SARDH: variants seen among roughly 807,000 people sequenced by gnomAD.
The protein encoded by SARDH is sarcosine dehydrogenase.
In SARDH, 95 loss-of-function variants were observed where a neutral mutation model predicts 109.1. The ratio of observed to expected loss-of-function variants is 0.87; its 90% CI spans 0.74 to 1.03. The LOEUF is 1.03. Among genes scored for constraint, SARDH ranks in the 50% least tolerant of loss-of-function variants. The pLI is 0.00. For missense variants in SARDH, 1,267 were observed against 1,287.8 expected (o/e 0.98, Z 0.25); for synonymous variants, 572 against 534.8 (o/e 1.07, Z -0.96).
intron 17 of SARDH, among the ~76,000 whole-genome samples, chr9:133,680,277 G>A (rs922621934): frequency 3.9e-5 from 6 of 152,128 alleles, no homozygotes; most frequent in Admixed American, 3.3e-4. Flanking sequence ...CTTCTGGCCT[G>A]AGCTCCACCG....
At chr9:133,678,706 G>C (rs776478875) in intron 17 of SARDH, among the ~76,000 whole-genome samples, 3 of 152,166 alleles carry the variant, frequency 2.0e-5, no homozygotes, top group Non-Finnish European at 4.4e-5. Flanking sequence ...ATCCCCTGCC[G>C]TCCAACACCT....
rs934604902 is a variant in SARDH at position 133,686,975 on chromosome 9, G to A, written c.2070-1689C>T. On this transcript the variant is annotated intron_variant, in intron 16 of 20. Transcript: ENST00000439388. This position sits in a 1 kb window ranked among gnomAD's most constrained non-coding sequence, Gnocchi z 4.0. ...GGCAGAAGCCTGGAGCTGCCACCTG[G>A]TCCAAGGCTTTGAAGGGCTCTGACC... Among the ~76,000 whole-genome samples, 12 of 152,168 alleles carry A rather than the reference G, an allele frequency of 7.9e-5. No individual in the cohort carries two copies. The highest frequency in any genetic ancestry group is 2.7e-4 in the African/African-American group (11 of 41,440).
chr9:133,665,504 G>C (rs2131310665), intron 20 of SARDH, among the ~76,000 whole-genome samples: 1 of 152,348 alleles, frequency 6.6e-6, no homozygotes, highest in Admixed American at 6.5e-5. Context: ...CATGGTAGGT[G>C]AGTGTCCACA....
intron 16 of SARDH, 112 bp from the exon 17 acceptor site, chr9:133,685,398 A>G: frequency 1.4e-6 from 1 of 711,348 alleles, no homozygotes; most frequent in Non-Finnish European, 2.3e-6. Flanking sequence ...CTCATGAGAC[A>G]GATGACAATA....
rs543783884 is a variant in SARDH, at chr9:133,693,984, C to A, written c.1921+274G>T. On this transcript the variant is annotated intron_variant, in intron 15 of 20. Transcript: ENST00000439388. The surrounding 1 kb of genome is among the most constrained non-coding windows in gnomAD (Gnocchi z 5.6). ...TTGTTCCGGGAAACCGAGCCGAGCA[C>A]GCCCACACTGCAGCCACTCCGAACC... 2.0e-5 allele frequency among the ~76,000 whole-genome samples: 3 copies of A among 152,352 alleles called. No individual in the cohort carries two copies. The highest frequency in any genetic ancestry group is 7.2e-5 in the African/African-American group (3 of 41,588).
chr9:133,699,332 C>T (rs530223508), intron 13 of SARDH, among the ~76,000 whole-genome samples: 10 of 151,998 alleles, frequency 6.6e-5, no homozygotes, highest in Admixed American at 5.2e-4. Context: ...CATGGAGAAA[C>T]CCCATCTCTA....
At chr9:133,668,099 G>A (rs2131318167) in intron 19 of SARDH, among the ~76,000 whole-genome samples, 1 of 152,088 alleles carries the variant, frequency 6.6e-6, no homozygotes, top group Admixed American at 6.5e-5. Flanking sequence ...TGGAGGGCCA[G>A]AAGGTCGGGG....
chr9:133,676,643 G>A (rs184459151), intron 17 of SARDH, among the ~76,000 whole-genome samples: 48 of 152,316 alleles, frequency 3.2e-4, no homozygotes, highest in Non-Finnish European at 7.1e-4. Flanking sequence ...TGAGGGAATG[G>A]CCCTGGGCCG....
rs1831158238 is a variant in SARDH, at chr9:133,693,011, CA to C, written c.1921+1246del. On this transcript the variant is annotated intron_variant, in intron 15 of 20. Transcript: ENST00000439388. This position sits in a 1 kb window ranked among gnomAD's most constrained non-coding sequence, Gnocchi z 5.6. ...ACCGCAGAGGCCCAGGAGCCCCTGC[CA>C]GCCCCCAGCCCCGAAGACCCGCTGG... is the stretch of plus-strand genomic sequence containing the variant. 6.6e-6 allele frequency among the ~76,000 whole-genome samples: 1 copy of C among 152,178 alleles called. No individual in the cohort carries two copies. The highest frequency in any genetic ancestry group is 2.4e-5 in the African/African-American group (1 of 41,428).
Position 133,708,315 on chromosome 9 carries a change from C to A in SARDH, c.1442G>T (p.Arg481Leu). ...GTGCAGCGGGTCTCTCCTCATGTTG[C>A]GCCCGGCCAGCGGCTCATCGTGGGG... The part of the protein sequence containing the change: ...VFPHDEPLAG[R>L]NMRRDPLHEE... The change falls in exon 11 of 21, where the codon CGC becomes CTC. Residue 481 changes from arginine to leucine, a missense_variant. Arg to Leu is a moderately radical substitution (Grantham distance 102). Transcript: ENST00000439388. The A allele has an allele frequency of 6.2e-7, 1 of 1,613,202 alleles. No individual in the cohort carries two copies. Among genetic ancestry groups the A allele is most frequent in the Non-Finnish European group, 8.5e-7 (1 of 1,179,642 alleles).
chr9:133,708,693 A>T (rs1271988805), intron 10 of SARDH, among the ~76,000 whole-genome samples: 1 of 151,944 alleles, frequency 6.6e-6, no homozygotes, highest in East Asian at 1.9e-4. Context: ...CCCCACAGGG[A>T]CATGGGACTC....
intron 1 of SARDH, among the ~76,000 whole-genome samples, chr9:133,734,793 C>G (rs1289417107): frequency 6.6e-6 from 1 of 152,212 alleles, no homozygotes; most frequent in African/African-American, 2.4e-5. Context: ...ACCCCCAGAT[C>G]ACAGACAGCG....
In SARDH at chr9:133,670,608, C is replaced by G; in HGVS notation, c.2471G>C (p.Arg824Pro). ...EQQRAAGLRR[R>P]LVCFTMEDKV... Reference sequence around the variant, plus strand: ...CTCCTCCATGGTGAAGCACACCAGGCGCCGGCGGAGGCCTGCGGCCCGCTG... The same window carrying G: ...CTCCTCCATGGTGAAGCACACCAGGGGCCGGCGGAGGCCTGCGGCCCGCTG... The change falls in exon 19 of 21, where the codon CGC becomes CCC. Residue 824 changes from arginine to proline, a missense_variant. Transcript: ENST00000439388. 1.9e-6 allele frequency: 3 copies of G among 1,576,328 alleles called. No homozygotes were observed. The highest frequency in any genetic ancestry group is 2.6e-6 in the Non-Finnish European group (3 of 1,161,246).
intron 13 of SARDH, among the ~76,000 whole-genome samples, chr9:133,702,237 C>CG (rs1447329693): frequency 4.6e-5 from 7 of 152,242 alleles, no homozygotes; most frequent in Admixed American, 1.3e-4. Context: ...CGGACAGCTG[C>CG]GGGGGAGAAC....
intron 19 of SARDH, among the ~76,000 whole-genome samples, chr9:133,667,368 G>A (rs1374926008): frequency 1.3e-5 from 2 of 151,892 alleles, no homozygotes; most frequent in Non-Finnish European, 2.9e-5. Flanking sequence ...GTTTCATCAT[G>A]TTGGCCAGGC....
chr9:133,711,287 A>C (rs1467052300), intron 10 of SARDH, among the ~76,000 whole-genome samples: 1 of 152,200 alleles, frequency 6.6e-6, no homozygotes, highest in East Asian at 1.9e-4. Context: ...CCAGAGCTGG[A>C]ATCCCCAAGG....
At chr9:133,682,553 G>C (rs966174727) in intron 17 of SARDH, among the ~76,000 whole-genome samples, 4 of 152,358 alleles carry the variant, frequency 2.6e-5, no homozygotes, top group Middle Eastern at 3.4e-3. Context: ...CCTGCCCACA[G>C]ACCCAGCATC....
At chr9:133,679,168 G>A (rs1830611842) in intron 17 of SARDH, among the ~76,000 whole-genome samples, 1 of 152,198 alleles carries the variant, frequency 6.6e-6, no homozygotes, top group Non-Finnish European at 1.5e-5. Flanking sequence ...CAGGGAACAC[G>A]GTGCCCCAGC....
chr9:133,671,406 G>T, intron 18 of SARDH, 129 bp downstream of exon 18: 2 of 1,205,714 alleles, frequency 1.7e-6, no homozygotes, highest in Non-Finnish European at 2.3e-6. Context: ...GGAAATCATG[G>T]TGTGGAAAGA....
Sources: gnomAD v4.1 joint callset for allele counts (sites outside exome capture counted in the v4.1 genomes callset) on GRCh38, gnomAD v4.1.1 for gene constraint, Gnocchi (gnomAD v3.1) non-coding constraint, MANE v1.5 for transcripts, NCBI Gene and HGNC (gene_info 2026-07-23, HGNC 2026-07-21) for gene names.